FKBP5: variants seen among roughly 807,000 people sequenced by gnomAD.
FKBP5 encodes peptidyl-prolyl cis-trans isomerase FKBP5.
Under a neutral mutation model 50.5 loss-of-function variants are expected in FKBP5, and 23 were observed. The observed-to-expected ratio is 0.46, with a 90% CI of 0.33 to 0.65. The LOEUF (loss-of-function observed/expected upper bound fraction) is 0.65. FKBP5 is among the 30% of genes least tolerant of loss of function. The probability of loss-of-function intolerance (pLI) is 0.02; values close to 1 mark genes in which losing one functional copy is unlikely to be tolerated. For missense variants in FKBP5, 411 were observed against 553.1 expected (o/e 0.74, Z 2.58); for synonymous variants, 176 against 190.6 (o/e 0.92, Z 0.63).
chr6:35,638,752 C>A (rs2150987517), intron 2 of FKBP5, among the ~76,000 whole-genome samples: 1 of 152,150 alleles, frequency 6.6e-6, no homozygotes, highest in South Asian at 2.1e-4. Context: ...AACACTACTG[C>A]CCTTCTAGGA....
At chr6:35,602,325 T>C (rs1478899699) in intron 5 of FKBP5, among the ~76,000 whole-genome samples, 1 of 152,152 alleles carries the variant, frequency 6.6e-6, no homozygotes, top group Non-Finnish European at 1.5e-5. Flanking sequence ...TTAGCTCTGG[T>C]AAGTGTCTAT....
intron 1 of FKBP5, among the ~76,000 whole-genome samples, chr6:35,649,905 T>C (rs1034511678): frequency 6.6e-6 from 1 of 152,230 alleles, no homozygotes; most frequent in African/African-American, 2.4e-5. Context: ...AGGATGGTCA[T>C]GGGAATGTTA....
chr6:35,658,068 A>C lies in FKBP5; in HGVS notation c.-19-15225T>G, dbSNP rs537356967. The stretch of plus-strand genomic sequence containing the variant: ...ACATGGTGAAACCCTGTTTCTACTA[A>C]AAAAAAAAAAAAAAAATACAAAAAT... On this transcript the variant is annotated intron_variant, in intron 1 of 10. Transcript: ENST00000357266. Among the ~76,000 whole-genome samples the C allele has an allele frequency of 1.7e-3, 242 of 141,570 alleles. 1 individual carries two copies. In the South Asian group the frequency reaches 0.024, roughly 14 times the overall value. The allele number at this position is 141,570 out of a possible 152,430, so 92.9% of individuals were successfully genotyped here. A position where few individuals can be genotyped will look rare whatever the true frequency, so the allele number is the denominator to read the frequency against.
intron 5 of FKBP5, among the ~76,000 whole-genome samples, chr6:35,615,159 CACA>C (rs1763611313): frequency 7.6e-6 from 1 of 131,928 alleles, no homozygotes; most frequent in Non-Finnish European, 1.6e-5. Context: ...AACAACTACA[CACA>C]CACACACACA....
At chr6:35,622,917 G>A (rs78367535) in intron 3 of FKBP5, among the ~76,000 whole-genome samples, 4,337 of 152,262 alleles carry the variant, frequency 0.028, 187 homozygotes, top group African/African-American at 0.098. Context: ...AATAATAACA[G>A]TACTTGCCAT....
intron 1 of FKBP5, among the ~76,000 whole-genome samples, chr6:35,655,712 C>G (rs1479451474): frequency 6.6e-6 from 1 of 152,180 alleles, no homozygotes; most frequent in South Asian, 2.1e-4. Flanking sequence ...AATACCATTA[C>G]AAGCTAAGTA....
chr6:35,582,211 C>T, intron 8 of FKBP5: 3 of 985,378 alleles, frequency 3.0e-6, no homozygotes, highest in Non-Finnish European at 3.6e-6. Flanking sequence ...CTCTCTGCCT[C>T]AGAAGTGTGT....
intron 1 of FKBP5, among the ~76,000 whole-genome samples, chr6:35,651,151 T>C (rs530107726): frequency 2.0e-5 from 3 of 152,280 alleles, no homozygotes; most frequent in East Asian, 3.9e-4. Context: ...TGCTTATATA[T>C]AGAAGAAGTT....
intron 1 of FKBP5, among the ~76,000 whole-genome samples, chr6:35,685,726 A>C (rs1354666854): frequency 1.3e-5 from 2 of 152,214 alleles, no homozygotes; most frequent in East Asian, 3.8e-4. Flanking sequence ...TCACGCCTGT[A>C]ATACCAGCAC....
chr6:35,577,385 C>T, intron 9 of FKBP5, 152 bp from the exon 10 acceptor site: 1 of 599,346 alleles, frequency 1.7e-6, no homozygotes, highest in Non-Finnish European at 2.7e-6. Context: ...AAATTTACTA[C>T]CCAAATTATT....
At chr6:35,657,956 C>A (rs1764998519) in intron 1 of FKBP5, among the ~76,000 whole-genome samples, 1 of 151,848 alleles carries the variant, frequency 6.6e-6, no homozygotes, top group South Asian at 2.1e-4. Context: ...TAAGGCCAGG[C>A]ACAGTGGCTC....
At chr6:35,590,230 T>C (rs993062584) in intron 7 of FKBP5, among the ~76,000 whole-genome samples, 7 of 151,984 alleles carry the variant, frequency 4.6e-5, no homozygotes, top group Admixed American at 2.0e-4. Context: ...GCCCAGGAAG[T>C]TGAGGCTGGA....
intron 2 of FKBP5, among the ~76,000 whole-genome samples, chr6:35,701,916 C>G (rs1384988400): frequency 6.6e-6 from 1 of 151,570 alleles, no homozygotes; most frequent in African/African-American, 2.4e-5. Flanking sequence ...GGCATGATTT[C>G]GGCTCACTGC....
At chr6:35,651,075 T>C (rs1433567699) in intron 1 of FKBP5, among the ~76,000 whole-genome samples, 1 of 152,130 alleles carries the variant, frequency 6.6e-6, no homozygotes, top group East Asian at 1.9e-4. Context: ...GAATGGTGAG[T>C]TGCAGAATGA....
At chr6:35,678,171 T>C (rs1356172740) in intron 1 of FKBP5, among the ~76,000 whole-genome samples, 3 of 152,122 alleles carry the variant, frequency 2.0e-5, no homozygotes, top group African/African-American at 7.2e-5. Flanking sequence ...AAAGTCAAAA[T>C]GACCAATAAG....
chr6:35,699,290 G>A (rs925483630), intron 2 of FKBP5, among the ~76,000 whole-genome samples: 1 of 152,254 alleles, frequency 6.6e-6, no homozygotes, highest in East Asian at 1.9e-4. Context: ...CCTCCACAGG[G>A]CAAATATGGA....
chr6:35,705,235 T>TACAA (rs1436564633), intron 2 of FKBP5, among the ~76,000 whole-genome samples: 5 of 3,754 alleles, frequency 1.3e-3, no homozygotes, highest in Admixed American at 6.1e-3. Context: ...TATATATATA[T>TACAA]ATATATATAT....
intron 8 of FKBP5, 98 bp downstream of exon 8, chr6:35,586,936 C>T (rs1278263333): frequency 6.3e-7 from 1 of 1,576,790 alleles, no homozygotes; most frequent in South Asian, 1.1e-5. Flanking sequence ...TCTTACCAAG[C>T]AGTGTTGACA....
At chr6:35,696,771 G>A (rs918786745) in intron 2 of FKBP5, among the ~76,000 whole-genome samples, 1 of 152,180 alleles carries the variant, frequency 6.6e-6, no homozygotes, top group Admixed American at 6.6e-5. Flanking sequence ...GAAAAACAAA[G>A]TAGGAGGGTT....
Sources: gnomAD v4.1 joint callset for allele counts (sites outside exome capture counted in the v4.1 genomes callset) on GRCh38, gnomAD v4.1.1 for gene constraint, MANE v1.5 for transcripts, NCBI Gene and HGNC (gene_info 2026-07-23, HGNC 2026-07-21) for gene names.